HSD17B4: variants seen among roughly 807,000 people sequenced by gnomAD.
HSD17B4 encodes hydroxysteroid 17-beta dehydrogenase 4.
HSD17B4 carries 70 observed loss-of-function variants against 101.0 expected under a neutral mutation model. The ratio of observed to expected loss-of-function variants is 0.69; its 90% CI spans 0.57 to 0.85. HSD17B4 has a LOEUF of 0.85. HSD17B4 is among the 40% of genes least tolerant of loss of function. HSD17B4 has a pLI of 0.00. For synonymous variants in HSD17B4, 347 were observed against 297.1 expected (o/e 1.17, Z -1.73); for missense variants, 984 against 892.4 (o/e 1.10, Z -1.31).
chr5:119,525,217 C>G lies in HSD17B4; in HGVS notation c.1505C>G (p.Ala502Gly). The change falls in exon 18 of 24, where the codon GCT (alanine) becomes GGT (glycine). Residue 502 changes from alanine (A) to glycine (G), a missense_variant and splice_region_variant. Coordinates refer to ENST00000510025, the MANE Select transcript of HSD17B4 (RefSeq NM_000414.4). ...VLTDTTSLNQ[A>G]ALYRLSGDWN... ...GTTATGTTTATGCTTTCTCCACAGG[C>G]TGCTTTGTACCGCCTCAGTGGAGAC... is the stretch of plus-strand genomic sequence containing the variant. The G allele has an allele frequency of 6.2e-7, 1 of 1,608,860 alleles. No homozygotes were observed. Among genetic ancestry groups the G allele is most frequent in the Non-Finnish European group, 8.5e-7 (1 of 1,175,608 alleles).
At chr5:119,478,117 C>T (rs2126699568) in intron 7 of HSD17B4, 1 of 157,508 alleles carries the variant, frequency 6.3e-6, no homozygotes, top group Non-Finnish European at 1.4e-5. Context: ...AATGGCTAGT[C>T]CCTGCTGGCT....
In HSD17B4 at chr5:119,532,262, A is replaced by C. The variant is rs748984970; in HGVS notation, c.1993+858A>C. ...CTTTCAGCAGAGTCTGTTGCTTGTC[A>C]CAGTTATCTTACTGTATTATGGTCA... On this transcript the variant is annotated intron_variant, in intron 22 of 23. Transcript: ENST00000510025. Among the ~76,000 whole-genome samples the C allele has an allele frequency of 2.1e-4, 32 of 152,220 alleles. 1 individual carries two copies. The highest frequency in any genetic ancestry group is 2.6e-4 in the Non-Finnish European group (18 of 67,968).
At chr5:119,498,059 T>C (rs1347308047) in intron 12 of HSD17B4, among the ~76,000 whole-genome samples, 1 of 152,206 alleles carries the variant, frequency 6.6e-6, no homozygotes, top group East Asian at 1.9e-4. Context: ...ACAATTGTGA[T>C]AGCTCATGTG....
intron 2 of HSD17B4, among the ~76,000 whole-genome samples, chr5:119,473,465 C>G (rs1748234764): frequency 6.6e-6 from 1 of 151,504 alleles, no homozygotes; most frequent in Non-Finnish European, 1.5e-5. Context: ...ACTACAGATA[C>G]ATGCCATAAT....
intron 23 of HSD17B4, among the ~76,000 whole-genome samples, chr5:119,538,835 C>T (rs957614511): frequency 2.0e-5 from 3 of 152,144 alleles, no homozygotes; most frequent in Non-Finnish European, 2.9e-5. Flanking sequence ...ATTCTGATAA[C>T]ATCCTGTTTT....
At position 119,503,675 on chromosome 5, in the gene HSD17B4, AC is replaced by A. The variant is rs1364109951; in HGVS notation, c.1261+1586del. 4.3e-4 allele frequency among the ~76,000 whole-genome samples: 66 copies of A among 151,762 alleles called. 1 individual carries two copies. The highest frequency in any genetic ancestry group is 3.8e-3 in the Admixed American group (58 of 15,236). On this transcript the variant is annotated intron_variant, in intron 14 of 23. Transcript: ENST00000510025. ...TAGTGGTAGTGTCATAGGCTGACTT[AC>A]CCTAATCATGTTAAAAATAACCACT...
At chr5:119,493,486 T>C (rs933738001) in intron 10 of HSD17B4, 1 of 278,980 alleles carries the variant, frequency 3.6e-6, no homozygotes, top group South Asian at 3.9e-5. Flanking sequence ...TATATTACTT[T>C]GGGGATCTGT....
intron 22 of HSD17B4, among the ~76,000 whole-genome samples, chr5:119,531,752 A>G (rs1754135223): frequency 6.6e-6 from 1 of 152,152 alleles, no homozygotes; most frequent in East Asian, 1.9e-4. Context: ...CAAATTCATC[A>G]AGTCAAAATG....
chr5:119,492,074 T>C (rs1223893340), intron 9 of HSD17B4, 26 bp from the exon 10 acceptor site: 1 of 1,588,574 alleles, frequency 6.3e-7, no homozygotes, highest in Non-Finnish European at 8.6e-7. Context: ...TTAGATGGTA[T>C]AATGTTTTCC....
intron 19 of HSD17B4, 97 bp from the exon 20 acceptor site, chr5:119,527,036 T>A (rs1052886211): frequency 2.8e-6 from 2 of 706,926 alleles, no homozygotes; most frequent in Non-Finnish European, 5.1e-6. Flanking sequence ...ATTTTTTTTT[T>A]CTTTTGTGCT....
intron 2 of HSD17B4, among the ~76,000 whole-genome samples, 157 bp from the exon 3 acceptor site, chr5:119,473,751 C>G (rs560214231): frequency 1.3e-4 from 20 of 152,250 alleles, no homozygotes; most frequent in African/African-American, 4.6e-4. Flanking sequence ...TTGAAAATGG[C>G]TGTGTTGTGT....
intron 10 of HSD17B4, chr5:119,492,858 C>T (rs1056501343): frequency 6.6e-6 from 1 of 151,978 alleles, no homozygotes; most frequent in African/African-American, 2.4e-5. Flanking sequence ...ATTTCTGTGT[C>T]TCAGCTTATA....
intron 23 of HSD17B4, among the ~76,000 whole-genome samples, chr5:119,538,805 A>T (rs1262435771): frequency 6.6e-6 from 1 of 152,074 alleles, no homozygotes; most frequent in Non-Finnish European, 1.5e-5. Context: ...ATTTCATCCA[A>T]AGTAGTTTCT....
intron 17 of HSD17B4, among the ~76,000 whole-genome samples, chr5:119,524,128 G>A (rs1015214097): frequency 6.6e-6 from 1 of 151,938 alleles, no homozygotes; most frequent in Non-Finnish European, 1.5e-5. Context: ...TTCAATAATT[G>A]TTTATTTGAT....
intron 17 of HSD17B4, among the ~76,000 whole-genome samples, chr5:119,515,997 T>C (rs1752581431): frequency 6.6e-6 from 1 of 152,186 alleles, no homozygotes; most frequent in African/African-American, 2.4e-5. Flanking sequence ...CCTGCACATG[T>C]ACTCCTGGAC....
intron 21 of HSD17B4, among the ~76,000 whole-genome samples, chr5:119,530,803 A>G (rs544073480): frequency 1.3e-3 from 195 of 145,536 alleles, no homozygotes; most frequent in Non-Finnish European, 2.1e-3. Context: ...CAGTGAGCCA[A>G]GATTGCACTA....
At chr5:119,458,845 A>G (rs1402683190) in intron 2 of HSD17B4, among the ~76,000 whole-genome samples, 4 of 151,974 alleles carry the variant, frequency 2.6e-5, no homozygotes, top group African/African-American at 9.7e-5. Context: ...GCATTTCTTA[A>G]GTAGGTTATT....
rs775861490 is a variant in HSD17B4 at position 119,493,961 on chromosome 5, C to T, written c.868+15C>T. 2.2e-5 allele frequency: 35 copies of T among 1,612,276 alleles called. No homozygotes were observed. The highest frequency in any genetic ancestry group is 1.0e-4 in the Admixed American group (6 of 59,906). On this transcript the variant is annotated intron_variant, in intron 11 of 23. Coordinates refer to ENST00000510025, the MANE Select transcript of HSD17B4 (RefSeq NM_000414.4). ...GAGTATCCAAGGTAAAGAGAGTCCCCGTCACTTAGCCCTGGTTGGGGAATC... is the reference window on the plus strand; with the variant it reads ...GAGTATCCAAGGTAAAGAGAGTCCCTGTCACTTAGCCCTGGTTGGGGAATC...
chr5:119,490,720 C>G (rs781334830), intron 9 of HSD17B4, among the ~76,000 whole-genome samples: 1 of 152,070 alleles, frequency 6.6e-6, no homozygotes, highest in Non-Finnish European at 1.5e-5. Context: ...AGGCACCCAC[C>G]ACCAAACCCA....
Sources: gnomAD v4.1 joint callset for allele counts (sites outside exome capture counted in the v4.1 genomes callset) on GRCh38, gnomAD v4.1.1 for gene constraint, MANE v1.5 for transcripts, NCBI Gene and HGNC (gene_info 2026-07-23, HGNC 2026-07-21) for gene names.